DOCK2: variants seen among roughly 807,000 people sequenced by gnomAD.
DOCK2 encodes dedicator of cytokinesis protein 2.
DOCK2 carries 87 observed loss-of-function variants against 248.9 expected under a neutral mutation model. The observed-to-expected ratio is 0.35, with a 90% confidence interval of 0.29 to 0.42. The LOEUF is 0.42. Among genes scored for constraint, DOCK2 ranks in the 10% least tolerant of loss-of-function variants. The probability of loss-of-function intolerance (pLI) is 1.00; values close to 1 mark genes in which losing one functional copy is unlikely to be tolerated. For missense variants in DOCK2, 1,747 were observed against 2,300.2 expected (o/e 0.76, Z 4.92); for synonymous variants, 805 against 821.6 (o/e 0.98, Z 0.35).
chr5:170,055,407 G>A lies in DOCK2; in HGVS notation c.4295+21G>A, dbSNP rs114878554. 509 of 1,612,352 alleles carry A rather than the reference G, an allele frequency of 3.2e-4. 4 individuals are homozygous for A. In the African/African-American group the frequency reaches 6.0e-3, roughly 19 times the overall value. ...ATAAAGTAAGACTCGTTGTCCACAG[G>A]GAAGAAGGATGGGGAAGAGAACCCA... On this transcript the variant is annotated intron_variant, in intron 42 of 51. Transcript: ENST00000520908.
chr5:169,671,322 G>A, intron 5 of DOCK2, 148 bp downstream of exon 5: 2 of 631,910 alleles, frequency 3.2e-6, no homozygotes, highest in East Asian at 2.8e-5. Context: ...GGACATCAAG[G>A]CCCAGAGAGG....
intron 22 of DOCK2, among the ~76,000 whole-genome samples, chr5:169,744,007 G>A (rs888016835): frequency 2.0e-5 from 3 of 151,520 alleles, no homozygotes; most frequent in East Asian, 3.9e-4. Flanking sequence ...TTAGGCAGGT[G>A]CAGGATATAT....
chr5:169,788,827 T>C (rs982807518), intron 25 of DOCK2, among the ~76,000 whole-genome samples: 2 of 152,186 alleles, frequency 1.3e-5, no homozygotes, highest in African/African-American at 4.8e-5. Context: ...ATTTGAAATA[T>C]GGTATGTTTC....
Position 169,840,753 on chromosome 5 carries a change from A to G in DOCK2, c.2704-4A>G, listed in dbSNP as rs1421540743. On this transcript the variant is annotated splice_polypyrimidine_tract_variant and splice_region_variant and intron_variant, in intron 26 of 51. Coordinates refer to ENST00000520908, the MANE Select transcript of DOCK2 (RefSeq NM_004946.3). ...TCACATAGATGTCTCTGACTGTTTT[A>G]CAGGCCTTCACCTACCACCATATCC... 5.0e-6 allele frequency: 8 copies of G among 1,613,670 alleles called. No homozygotes were observed. Among genetic ancestry groups the G allele is most frequent in the Non-Finnish European group, 6.8e-6 (8 of 1,179,814 alleles).
At chr5:169,643,746 C>T (rs189166092) in intron 1 of DOCK2, among the ~76,000 whole-genome samples, 2 of 152,278 alleles carry the variant, frequency 1.3e-5, no homozygotes, top group East Asian at 3.9e-4. Context: ...TGGATCACAG[C>T]CTAAGCTAAG....
At chr5:169,647,516 G>C (rs543933566) in intron 1 of DOCK2, among the ~76,000 whole-genome samples, 3 of 152,128 alleles carry the variant, frequency 2.0e-5, no homozygotes, top group Admixed American at 6.5e-5. Flanking sequence ...GGTCCTGTGA[G>C]AGCACAGCAC....
chr5:169,930,194 G>A (rs547310795), intron 27 of DOCK2, among the ~76,000 whole-genome samples: 96 of 152,246 alleles, frequency 6.3e-4, no homozygotes, highest in African/African-American at 2.2e-3. Flanking sequence ...GTTTCACCAT[G>A]TTGGCTAGGA....
intron 27 of DOCK2, chr5:169,875,181 T>A (rs560426048): frequency 1.8e-5 from 8 of 454,194 alleles, no homozygotes; most frequent in East Asian, 1.4e-4. Flanking sequence ...CCTGATTTTT[T>A]ACCTAAAAAA....
intron 27 of DOCK2, among the ~76,000 whole-genome samples, chr5:169,952,370 C>G (rs1440908197): frequency 6.6e-6 from 1 of 152,036 alleles, no homozygotes; most frequent in Non-Finnish European, 1.5e-5. Flanking sequence ...GTAACTCAAT[C>G]TCCTGCTTGG....
intron 22 of DOCK2, among the ~76,000 whole-genome samples, chr5:169,743,445 C>T (rs1763436066): frequency 6.6e-6 from 1 of 152,084 alleles, no homozygotes; most frequent in Non-Finnish European, 1.5e-5. Context: ...AGAGAGTTTG[C>T]CCAAATAATC....
chr5:169,847,849 T>C (rs1770403894), intron 27 of DOCK2, among the ~76,000 whole-genome samples: 1 of 152,258 alleles, frequency 6.6e-6, no homozygotes, highest in Non-Finnish European at 1.5e-5. Flanking sequence ...CAGTGATGTA[T>C]GCAAGATACT....
At chr5:169,687,735 G>A (rs1760070180) in intron 8 of DOCK2, among the ~76,000 whole-genome samples, 1 of 151,974 alleles carries the variant, frequency 6.6e-6, no homozygotes, top group African/African-American at 2.4e-5. Flanking sequence ...CCAGCATGAC[G>A]GCTGCTAGGA....
chr5:169,688,224 C>G (rs949554979), intron 8 of DOCK2, among the ~76,000 whole-genome samples: 11 of 152,220 alleles, frequency 7.2e-5, no homozygotes, highest in Non-Finnish European at 1.6e-4. Context: ...CTGTGCCCAG[C>G]CCCCTTGAAT....
intron 27 of DOCK2, among the ~76,000 whole-genome samples, chr5:169,916,873 T>C (rs990384266): frequency 6.6e-6 from 1 of 152,196 alleles, no homozygotes; most frequent in African/African-American, 2.4e-5. Flanking sequence ...AGCTAGTAAG[T>C]AATGGGGCCT....
intron 22 of DOCK2, among the ~76,000 whole-genome samples, 167 bp from the exon 23 acceptor site, chr5:169,747,229 C>G (rs1430301933): frequency 1.3e-5 from 2 of 152,116 alleles, no homozygotes; most frequent in African/African-American, 4.8e-5. Context: ...TGAGGCTTTT[C>G]CCTTGAGAGA....
At chr5:169,828,222 A>G (rs1561741407) in intron 26 of DOCK2, among the ~76,000 whole-genome samples, 1 of 152,192 alleles carries the variant, frequency 6.6e-6, no homozygotes, top group Non-Finnish European at 1.5e-5. Flanking sequence ...TTTTAGATCG[A>G]CATACTCCCT....
intron 22 of DOCK2, among the ~76,000 whole-genome samples, chr5:169,720,388 T>G (rs2113567202): frequency 6.6e-6 from 1 of 152,342 alleles, no homozygotes; most frequent in Admixed American, 6.5e-5. Flanking sequence ...TTTCAGTTCT[T>G]CCTTTTGGTG....
intron 6 of DOCK2, among the ~76,000 whole-genome samples, chr5:169,678,196 G>A (rs768170900): frequency 1.3e-5 from 2 of 151,200 alleles, no homozygotes; most frequent in South Asian, 2.1e-4. Context: ...TGTTTCAAGG[G>A]TATACTTAAG....
intron 27 of DOCK2, among the ~76,000 whole-genome samples, chr5:169,957,499 C>G (rs1776918282): frequency 6.6e-6 from 1 of 152,290 alleles, no homozygotes; most frequent in East Asian, 1.9e-4. Context: ...TCCCACTGAA[C>G]AGATGAGAAA....
Sources: allele counts gnomAD v4.1 joint callset (sites outside exome capture counted in the v4.1 genomes callset), GRCh38; gene constraint gnomAD v4.1.1; transcripts MANE v1.5; gene names NCBI Gene and HGNC (gene_info 2026-07-23, HGNC 2026-07-21).